The following IL1RAPL2 variants were observed in gnomAD, a reference collection of about 807,000 sequenced individuals.
IL1RAPL2 encodes X-linked interleukin-1 receptor accessory protein-like 2.
IL1RAPL2 carries 3 observed loss-of-function variants against 44.1 expected under a neutral mutation model. The ratio of observed to expected loss-of-function variants is 0.07; its 90% confidence interval spans 0.03 to 0.18. IL1RAPL2 has a LOEUF of 0.18. Among genes scored for constraint, IL1RAPL2 ranks in the 10% least tolerant of loss-of-function variants. The probability of loss-of-function intolerance (pLI) is 1.00; values close to 1 mark genes in which losing one functional copy is unlikely to be tolerated. For synonymous variants in IL1RAPL2, 181 were observed against 178.8 expected, an observed-to-expected ratio of 1.01 and a Z score of -0.10; for missense variants, 391 against 496.4, an observed-to-expected ratio of 0.79 and a Z score of 2.02.
At position 105,365,459 on chromosome X, in the gene IL1RAPL2, A is replaced by C. The variant is rs768115217; in HGVS notation, c.697+97918A>C. ...CTCCTCTTAAATTTTTTTGGGGGAG[A>C]GTTTGAGAAAGATTGGTATTAGTTA... On this transcript the variant is annotated intron_variant, in intron 5 of 10. Coordinates refer to ENST00000372582, the MANE Select transcript of IL1RAPL2 (RefSeq NM_017416.2). 6.3e-5 allele frequency among the ~76,000 whole-genome samples: 7 copies of C among 110,772 alleles called. No individual in the cohort carries two copies. In the East Asian group the frequency reaches 2.0e-3, roughly 32 times the overall value.
intron 5 of IL1RAPL2, among the ~76,000 whole-genome samples, chrX:105,420,800 C>G (rs1228924534): frequency 1.8e-5 from 2 of 111,254 alleles, no homozygotes; most frequent in African/African-American, 6.5e-5. Flanking sequence ...ACAAGCCCCA[C>G]TAGCCTATTT....
At chrX:105,222,808 A>C (rs1343474044) in intron 3 of IL1RAPL2, among the ~76,000 whole-genome samples, 1 of 111,410 alleles carries the variant, frequency 9.0e-6, no homozygotes, top group Non-Finnish European at 1.9e-5. Context: ...TTGGAGAATG[A>C]AGAAGAATTT....
chrX:105,717,879 G>C (rs2038270643), intron 7 of IL1RAPL2, among the ~76,000 whole-genome samples: 1 of 112,164 alleles, frequency 8.9e-6, no homozygotes, highest in Non-Finnish European at 1.9e-5. Flanking sequence ...TAAAACTGCA[G>C]TGGCAATGGT....
At chrX:104,705,219 A>C (rs1931345005) in intron 2 of IL1RAPL2, among the ~76,000 whole-genome samples, 1 of 111,880 alleles carries the variant, frequency 8.9e-6, no homozygotes, top group African/African-American at 3.2e-5. Flanking sequence ...GAGGAGATGG[A>C]GACTCAGAAA....
chrX:105,665,344 CGTGTGTGTGTGT>C (rs58453498), intron 6 of IL1RAPL2, among the ~76,000 whole-genome samples: 1 of 98,535 alleles, frequency 1.0e-5, no homozygotes, highest in African/African-American at 3.6e-5. Flanking sequence ...TATGCGCGTG[CGTGTGTGTGTGT>C]GTGTGTGTGT....
chrX:105,667,624 C>G (rs1364314560), intron 6 of IL1RAPL2, among the ~76,000 whole-genome samples: 1 of 111,613 alleles, frequency 9.0e-6, no homozygotes, highest in East Asian at 2.8e-4. Flanking sequence ...ACAAAATGAA[C>G]AGTTTGAATA....
intron 8 of IL1RAPL2, among the ~76,000 whole-genome samples, chrX:105,745,800 C>T (rs1408353005): frequency 9.0e-6 from 1 of 111,443 alleles, no homozygotes; most frequent in African/African-American, 3.3e-5. Flanking sequence ...TCTCCCACCT[C>T]AGCCTCCAGA....
intron 2 of IL1RAPL2, among the ~76,000 whole-genome samples, chrX:105,156,237 C>T (rs2033267610): frequency 9.0e-6 from 1 of 111,344 alleles, no homozygotes; most frequent in African/African-American, 3.3e-5. Flanking sequence ...TGATTGTTTC[C>T]TTTCATCCTC....
intron 2 of IL1RAPL2, among the ~76,000 whole-genome samples, chrX:104,974,491 T>C (rs1370180153): frequency 1.8e-5 from 2 of 112,254 alleles, no homozygotes; most frequent in East Asian, 5.6e-4. Flanking sequence ...AAATGACATA[T>C]ACAAAGCAAC....
Position 105,544,763 on chromosome X carries a change from CTCTT to C in IL1RAPL2, c.772+60390_772+60393del, listed in dbSNP as rs754407159. On this transcript the variant is annotated intron_variant, in intron 6 of 10. Coordinates refer to ENST00000372582, the MANE Select transcript of IL1RAPL2 (RefSeq NM_017416.2). ...TACTGTTTTTTTATATGTCTCCTTC[CTCTT>C]TCTTTCTTTCTTTTTTGATTGTTGT... Among the ~76,000 whole-genome samples, 300 of 110,696 alleles carry C rather than the reference CTCTT, an allele frequency of 2.7e-3. 1 individual carries two copies. The highest frequency in any genetic ancestry group is 4.3e-3 in the Non-Finnish European group (227 of 52,753).
chrX:104,815,028 TGAA>T (rs1192154981), intron 2 of IL1RAPL2, among the ~76,000 whole-genome samples: 2 of 112,382 alleles, frequency 1.8e-5, no homozygotes, highest in Admixed American at 9.4e-5. Flanking sequence ...GAGCAGTATG[TGAA>T]GAAGACATTC....
At chrX:105,107,207 A>C (rs1000752769) in intron 2 of IL1RAPL2, among the ~76,000 whole-genome samples, 1 of 112,261 alleles carries the variant, frequency 8.9e-6, no homozygotes, top group African/African-American at 3.2e-5. Context: ...CCATTCACAA[A>C]GCATTTACGG....
intron 2 of IL1RAPL2, among the ~76,000 whole-genome samples, chrX:104,855,681 G>GTTTTTTTTTTTTTTTTTTTTTTTT (rs1556002120): frequency 3.7e-5 from 2 of 53,863 alleles, no homozygotes; most frequent in Admixed American, 1.9e-4. Flanking sequence ...ATCTGGATCC[G>GTTTTTTTTTTTTTTTTTTTTTTTT]TTTTTTTTTT....
At chrX:105,601,831 GA>G (rs1285548503) in intron 6 of IL1RAPL2, among the ~76,000 whole-genome samples, 4 of 110,916 alleles carry the variant, frequency 3.6e-5, no homozygotes, top group African/African-American at 1.3e-4. Flanking sequence ...AGCCCACACA[GA>G]AGGCTGCAAC....
At chrX:105,461,888 G>A (rs1405781820) in intron 5 of IL1RAPL2, among the ~76,000 whole-genome samples, 3 of 111,101 alleles carry the variant, frequency 2.7e-5, no homozygotes, top group Admixed American at 9.6e-5. Flanking sequence ...GTGTATAGGA[G>A]CATGTTTGTA....
At chrX:105,479,654 G>A (rs911311106) in intron 5 of IL1RAPL2, among the ~76,000 whole-genome samples, 3 of 110,020 alleles carry the variant, frequency 2.7e-5, no homozygotes, top group African/African-American at 6.6e-5. Flanking sequence ...CAGGAGAATC[G>A]CTTCAACCCA....
intron 3 of IL1RAPL2, among the ~76,000 whole-genome samples, chrX:105,214,624 A>G (rs1024621996): frequency 9.0e-6 from 1 of 111,708 alleles, no homozygotes; most frequent in African/African-American, 3.3e-5. Context: ...AACCAAATGG[A>G]CCTAATAGAC....
chrX:105,045,400 G>A (rs2031823795), intron 2 of IL1RAPL2, among the ~76,000 whole-genome samples: 1 of 112,032 alleles, frequency 8.9e-6, no homozygotes, highest in South Asian at 3.7e-4. Context: ...GTATAATTTA[G>A]ATGTGTATGT....
At chrX:105,342,787 A>G (rs985225092) in intron 5 of IL1RAPL2, among the ~76,000 whole-genome samples, 1 of 112,148 alleles carries the variant, frequency 8.9e-6, no homozygotes, top group Non-Finnish European at 1.9e-5. Context: ...ACAGCAGACC[A>G]TTTATTGATT....
Sources: gnomAD v4.1 joint callset for allele counts (sites outside exome capture counted in the v4.1 genomes callset) on GRCh38, gnomAD v4.1.1 for gene constraint, MANE v1.5 for transcripts, NCBI Gene and HGNC (gene_info 2026-07-23, HGNC 2026-07-21) for gene names.